Variants in CNTN6 observed in about 807,000 individuals in gnomAD.
The protein encoded by CNTN6 is contactin 6.
Under a neutral mutation model 122.8 loss-of-function variants are expected in CNTN6, and 137 were observed. That is an observed-to-expected ratio of 1.12 (90% CI 0.97 to 1.29). CNTN6 has a LOEUF of 1.29. Ranked by LOEUF, CNTN6 falls within the 50% of genes most tolerant of loss-of-function variation. The pLI, the probability that CNTN6 is intolerant of heterozygous loss-of-function variation, is 0.00. For missense variants in CNTN6, 1,634 were observed against 1,223.4 expected, an observed-to-expected ratio of 1.34 and a Z score of -5.01; for synonymous variants, 570 against 426.0, an observed-to-expected ratio of 1.34 and a Z score of -4.16.
chr3:1,396,910 T>A (rs908706546), intron 20 of CNTN6, among the ~76,000 whole-genome samples: 2 of 152,214 alleles, frequency 1.3e-5, no homozygotes, highest in African/African-American at 4.8e-5. Context: ...CTGAAAAAAT[T>A]CTGCATTCAG....
chr3:1,127,342 A>C (rs2092199887), intron 1 of CNTN6, among the ~76,000 whole-genome samples: 2 of 151,888 alleles, frequency 1.3e-5, no homozygotes, highest in Non-Finnish European at 1.5e-5. Flanking sequence ...AATGGACAAA[A>C]GGATAAATAT....
rs1284215361 is a variant in CNTN6 at position 1,373,657 on chromosome 3, T to C, written c.1840T>C (p.Ser614Pro). ...VQVEDISSTT[S>P]QLSWRAGPDN... ...AGTGGAAGACATTTCCAGTACTACTTCTCAACTAAGTTGGAGAGCAGGCCC... is the reference window on the plus strand; with the variant it reads ...AGTGGAAGACATTTCCAGTACTACTCCTCAACTAAGTTGGAGAGCAGGCCC... The change falls in exon 15 of 23, where the codon TCT becomes CCT. Residue 614 changes from serine (S) to proline (P), a missense_variant. By Grantham distance (74) the Ser-to-Pro change is moderately conservative (BLOSUM62 -1). Transcript: ENST00000446702. The C allele has an allele frequency of 6.2e-7, 1 of 1,613,120 alleles. No homozygotes were observed. Among genetic ancestry groups the C allele is most frequent in the South Asian group, 1.1e-5 (1 of 91,046 alleles).
rs1348348081 is a variant in CNTN6 at position 1,293,173 on chromosome 3, AAATT to A, written c.455-2422_455-2419del. The stretch of plus-strand genomic sequence containing the variant: ...GACATCATTTATAAATTGTTGTGAG[AAATT>A]AATTATTTTGCTCCTCCCCACTATT... On this transcript the variant is annotated intron_variant, in intron 5 of 22. Coordinates refer to ENST00000446702, the MANE Select transcript of CNTN6 (RefSeq NM_001289080.2). Among the ~76,000 whole-genome samples, 9 of 152,174 alleles carry A rather than the reference AAATT, an allele frequency of 5.9e-5. No homozygotes were observed. In the East Asian group the frequency reaches 1.7e-3, roughly 29 times the overall value.
intron 1 of CNTN6, among the ~76,000 whole-genome samples, chr3:1,132,377 T>C (rs1278626204): frequency 1.3e-5 from 2 of 152,062 alleles, no homozygotes; most frequent in African/African-American, 2.4e-5. Flanking sequence ...ACACACCTAC[T>C]CTGGTGTCCT....
At chr3:1,220,443 G>T (rs2094191909) in intron 2 of CNTN6, among the ~76,000 whole-genome samples, 3 of 152,108 alleles carry the variant, frequency 2.0e-5, no homozygotes, top group Admixed American at 2.0e-4. Context: ...TCTTGATATT[G>T]TTGGTTTTGG....
At chr3:1,335,674 C>A (rs1702945557) in intron 11 of CNTN6, among the ~76,000 whole-genome samples, 1 of 152,036 alleles carries the variant, frequency 6.6e-6, no homozygotes, top group East Asian at 1.9e-4. Context: ...AAGCTATCAA[C>A]AATAAAAACA....
chr3:1,387,908 C>T (rs1693324898), intron 20 of CNTN6, among the ~76,000 whole-genome samples: 1 of 152,130 alleles, frequency 6.6e-6, no homozygotes, highest in African/African-American at 2.4e-5. Flanking sequence ...CTCGGAGGGT[C>T]CTACGCCCAC....
At chr3:1,402,268 C>T in intron 21 of CNTN6, 50 bp from the exon 22 acceptor site, 1 of 1,498,686 alleles carries the variant, frequency 6.7e-7, no homozygotes, top group Admixed American at 1.8e-5. Flanking sequence ...GTTGTGTGAA[C>T]CTTAGAAAAG....
intron 1 of CNTN6, among the ~76,000 whole-genome samples, chr3:1,134,058 G>C (rs975472337): frequency 1.3e-5 from 2 of 151,980 alleles, no homozygotes; most frequent in African/African-American, 4.8e-5. Flanking sequence ...CAATAATACT[G>C]TGCTTCCTGT....
At chr3:1,361,454 A>G (rs1362039841) in intron 12 of CNTN6, among the ~76,000 whole-genome samples, 1 of 152,118 alleles carries the variant, frequency 6.6e-6, no homozygotes, top group Non-Finnish European at 1.5e-5. Context: ...GTAAGGGTGC[A>G]ATACTAATTA....
chr3:1,190,578 C>G (rs1238216715), intron 2 of CNTN6, among the ~76,000 whole-genome samples: 1 of 152,056 alleles, frequency 6.6e-6, no homozygotes, highest in East Asian at 1.9e-4. Flanking sequence ...AAATGGGTGC[C>G]TTGCAGAGGA....
chr3:1,373,755 T>C lies in CNTN6; in HGVS notation c.1938T>C (p.Val646=). 1 of 1,599,920 alleles carries C rather than the reference T, an allele frequency of 6.3e-7. No individual in the cohort carries two copies. The highest frequency in any genetic ancestry group is 1.1e-5 in the South Asian group (1 of 87,888). The change falls in exon 15 of 23, where the codon GTT becomes GTC. Residue 646 remains valine, a synonymous_variant. Coordinates refer to ENST00000446702, the MANE Select transcript of CNTN6 (RefSeq NM_001289080.2). The part of the protein sequence containing the change: ...RTPFSVGWQA[V]ATVPEILNGK... ...CATTTTCTGTGGGTTGGCAGGCTGT[T>C]GCTACAGGTGAGTGACAAAAGTGTT...
chr3:1,241,440 C>G (rs369934497), intron 4 of CNTN6, among the ~76,000 whole-genome samples: 2,286 of 151,212 alleles, frequency 0.015, 84 homozygotes, highest in African/African-American at 0.052. Flanking sequence ...TGATATTGTG[C>G]GGATGTTAGA....
rs750849482 is a variant in CNTN6, at chr3:1,383,336, T to G, written c.2445T>G (p.Ser815=). 33 of 1,613,974 alleles carry G rather than the reference T, an allele frequency of 2.0e-5. No homozygotes were observed. The change falls in exon 19 of 23, where the codon TCT becomes TCG. Residue 815 remains serine (S), a synonymous_variant. Coordinates refer to ENST00000446702, the MANE Select transcript of CNTN6 (RefSeq NM_001289080.2). ...APRGTSLQSF[S]ASEMEVSWNA... ...GGGGAACTTCTCTCCAGAGTTTTTCTGCTTCTGAAATGGAGGTTTCATGGA... is the reference window on the plus strand; with the variant it reads ...GGGGAACTTCTCTCCAGAGTTTTTCGGCTTCTGAAATGGAGGTTTCATGGA...
At chr3:1,382,139 AAACC>A (rs1232289056) in intron 17 of CNTN6, among the ~76,000 whole-genome samples, 2 of 152,136 alleles carry the variant, frequency 1.3e-5, no homozygotes, top group Non-Finnish European at 2.9e-5. Flanking sequence ...TCCTTGGGAA[AAACC>A]AAATAAATTC....
chr3:1,300,603 A>AAGAAAGAAAGAAAGAG (rs1330480945), intron 7 of CNTN6, among the ~76,000 whole-genome samples: 2 of 117,266 alleles, frequency 1.7e-5, no homozygotes, highest in Non-Finnish European at 3.2e-5. Flanking sequence ...GAAAGAAAGA[A>AAGAAAGAAAGAAAGAG]AGAGAGAAAG....
chr3:1,176,575 C>G (rs1337427842), intron 2 of CNTN6, among the ~76,000 whole-genome samples: 1 of 152,092 alleles, frequency 6.6e-6, no homozygotes, highest in Non-Finnish European at 1.5e-5. Flanking sequence ...AAAGAAAAAG[C>G]AAGTTTTCAG....
chr3:1,252,325 C>A lies in CNTN6; in HGVS notation c.358+24332C>A, dbSNP rs539631827. 1.3e-4 allele frequency among the ~76,000 whole-genome samples: 20 copies of A among 152,188 alleles called. No individual in the cohort carries two copies. The East Asian group carries it at 3.5e-3, about 26-fold the overall frequency. ...TTTTTTAATTCTTATTTTTGTGTGACTTTTTTCTGCTTAGTAGTTACCAGT... is the reference window on the plus strand; with the variant it reads ...TTTTTTAATTCTTATTTTTGTGTGAATTTTTTCTGCTTAGTAGTTACCAGT... On this transcript the variant is annotated intron_variant, in intron 4 of 22. Coordinates refer to ENST00000446702, the MANE Select transcript of CNTN6 (RefSeq NM_001289080.2).
intron 10 of CNTN6, among the ~76,000 whole-genome samples, chr3:1,329,353 T>C (rs1046920423): frequency 4.0e-5 from 6 of 151,664 alleles, no homozygotes; most frequent in African/African-American, 1.5e-4. Context: ...AATTCCTTCT[T>C]CGGCCTCTTT....
Sources: allele counts gnomAD v4.1 joint callset (sites outside exome capture counted in the v4.1 genomes callset), GRCh38; gene constraint gnomAD v4.1.1; transcripts MANE v1.5; gene names NCBI Gene and HGNC (gene_info 2026-07-23, HGNC 2026-07-21).